The following NEBL variants were observed in gnomAD, a reference collection of about 807,000 sequenced individuals.
NEBL encodes LIM and SH3 protein 2.
Under a neutral mutation model 140.2 loss-of-function variants are expected in NEBL, and 122 were observed. That is an observed-to-expected ratio of 0.87 (90% CI 0.75 to 1.01). NEBL has a LOEUF of 1.01. NEBL is among the 50% of genes least tolerant of loss of function. The pLI is 0.00. For missense variants in NEBL, 1,365 were observed against 1,231.3 expected (o/e 1.11, Z -1.62); for synonymous variants, 436 against 398.9 (o/e 1.09, Z -1.11).
chr10:21,043,123 CCT>C (rs1834344340), intron 2 of NEBL, among the ~76,000 whole-genome samples: 2 of 152,144 alleles, frequency 1.3e-5, no homozygotes, highest in Non-Finnish European at 2.9e-5. Flanking sequence ...GGCCTTTTTC[CCT>C]CATATAGCAC....
intron 2 of NEBL, among the ~76,000 whole-genome samples, chr10:21,148,250 A>G (rs1220539220): frequency 6.6e-6 from 1 of 152,354 alleles, no homozygotes; most frequent in East Asian, 1.9e-4. Context: ...CTGTGATATT[A>G]TGAAACATGT....
chr10:21,085,819 A>G (rs1836600178), intron 2 of NEBL, among the ~76,000 whole-genome samples: 1 of 152,216 alleles, frequency 6.6e-6, no homozygotes, highest in Admixed American at 6.5e-5. Context: ...GCAACAGGAC[A>G]AAAGAGGCAA....
intron 4 of NEBL, among the ~76,000 whole-genome samples, chr10:20,947,947 C>G (rs1835260613): frequency 6.6e-6 from 1 of 152,126 alleles, no homozygotes; most frequent in East Asian, 1.9e-4. Context: ...CTTTAGGATT[C>G]CCTGGGCCAC....
intron 4 of NEBL, among the ~76,000 whole-genome samples, chr10:20,910,059 G>T (rs1480380220): frequency 2.0e-5 from 3 of 152,132 alleles, no homozygotes; most frequent in Non-Finnish European, 2.9e-5. Context: ...GATTCTCAGG[G>T]TAGGACTCTA....
At chr10:20,934,949 A>T (rs1052914469) in intron 4 of NEBL, among the ~76,000 whole-genome samples, 5 of 152,252 alleles carry the variant, frequency 3.3e-5, no homozygotes, top group African/African-American at 1.2e-4. Flanking sequence ...GTGATTGGAA[A>T]TGAATCTGGA....
At chr10:20,869,938 T>C (rs1844751228) in intron 5 of NEBL, 97 bp from the exon 6 acceptor site, 1 of 859,546 alleles carries the variant, frequency 1.2e-6, no homozygotes, top group Non-Finnish European at 1.9e-6. Context: ...CTCATAATAA[T>C]AGCTTAGAGA....
At chr10:21,255,658 A>G (rs1389348909) in intron 1 of NEBL, among the ~76,000 whole-genome samples, 1 of 152,164 alleles carries the variant, frequency 6.6e-6, no homozygotes, top group Non-Finnish European at 1.5e-5. Flanking sequence ...TTCCCCCTTA[A>G]CTATGATAAA....
At chr10:21,002,900 C>A (rs1025622492) in intron 3 of NEBL, among the ~76,000 whole-genome samples, 3 of 151,834 alleles carry the variant, frequency 2.0e-5, no homozygotes, top group African/African-American at 7.3e-5. Context: ...TTAGTGAGGT[C>A]TCTTTCACAC....
intron 2 of NEBL, among the ~76,000 whole-genome samples, chr10:21,072,655 AGTTGT>A (rs1179846946): frequency 6.6e-6 from 1 of 152,246 alleles, no homozygotes; most frequent in Non-Finnish European, 1.5e-5. Flanking sequence ...CTCAGGGCTC[AGTTGT>A]TGGTCATCTC....
intron 2 of NEBL, among the ~76,000 whole-genome samples, chr10:21,096,488 A>ACT (rs748408440): frequency 1.4e-5 from 2 of 141,482 alleles, no homozygotes; most frequent in Non-Finnish European, 3.1e-5. Flanking sequence ...CTTGGTTTTG[A>ACT]GTGTGTGTGT....
In NEBL at chr10:20,897,009, A is replaced by C; in HGVS notation, c.102T>G (p.Ile34Met). The C allele has an allele frequency of 3.1e-6, 5 of 1,613,864 alleles. No homozygotes were observed. The highest frequency in any genetic ancestry group is 4.2e-6 in the Non-Finnish European group (5 of 1,179,766). The change falls in exon 2 of 28, where the codon ATT becomes ATG. Residue 34 changes from isoleucine to methionine, a missense_variant. Ile to Met is a conservative substitution (Grantham distance 10). Coordinates refer to ENST00000377122, the MANE Select transcript of NEBL (RefSeq NM_006393.3). The part of the protein sequence containing the change: ...EEDQVFYKPV[I>M]EDLSMELARK... Reference sequence around the variant, plus strand: ...TGGCCAATTCCATGCTTAAGTCTTCAATAACAGGCTTATAGAAGACCTATT... The same window carrying C: ...TGGCCAATTCCATGCTTAAGTCTTCCATAACAGGCTTATAGAAGACCTATT...
At chr10:21,253,598 C>T (rs1842616787) in intron 1 of NEBL, among the ~76,000 whole-genome samples, 2 of 140,166 alleles carry the variant, frequency 1.4e-5, no homozygotes, top group Admixed American at 1.6e-4. Flanking sequence ...GGCTGGAGTG[C>T]AATGGCGCAA....
intron 3 of NEBL, among the ~76,000 whole-genome samples, chr10:21,203,217 G>C (rs1040625054): frequency 4.6e-5 from 7 of 152,218 alleles, no homozygotes; most frequent in African/African-American, 1.4e-4. Context: ...CGACTAAGCT[G>C]TTCCCTCATT....
chr10:20,902,954 A>C (rs1329017614), intron 4 of NEBL, among the ~76,000 whole-genome samples: 2 of 152,172 alleles, frequency 1.3e-5, no homozygotes, highest in African/African-American at 2.4e-5. Flanking sequence ...TCCCTTCAGG[A>C]CTATACTGTT....
intron 2 of NEBL, among the ~76,000 whole-genome samples, chr10:21,093,010 A>C (rs960964253): frequency 6.6e-6 from 1 of 152,216 alleles, no homozygotes; most frequent in Non-Finnish European, 1.5e-5. Context: ...GGAACAGTTT[A>C]TGACAAGAGA....
chr10:20,909,419 C>T (rs925269061), intron 4 of NEBL, among the ~76,000 whole-genome samples: 2 of 152,018 alleles, frequency 1.3e-5, no homozygotes, highest in Non-Finnish European at 2.9e-5. Flanking sequence ...CTGGGTGGCA[C>T]TCTTAATAAT....
At chr10:21,053,637 T>C (rs940512884) in intron 2 of NEBL, among the ~76,000 whole-genome samples, 5 of 152,174 alleles carry the variant, frequency 3.3e-5, no homozygotes, top group African/African-American at 1.2e-4. Flanking sequence ...CAAGAAGTTA[T>C]GAAAATCAAG....
At chr10:21,138,404 T>C (rs1259052916) in intron 2 of NEBL, among the ~76,000 whole-genome samples, 2 of 152,118 alleles carry the variant, frequency 1.3e-5, no homozygotes, top group Non-Finnish European at 2.9e-5. Context: ...GAAATCTTTA[T>C]AATAAATGGA....
chr10:21,212,373 T>C (rs1841931996), intron 3 of NEBL, among the ~76,000 whole-genome samples: 1 of 152,150 alleles, frequency 6.6e-6, no homozygotes, highest in Non-Finnish European at 1.5e-5. Context: ...AGTGCAATCC[T>C]GGCCCCAACT....
Sources: gnomAD v4.1 joint callset for allele counts (sites outside exome capture counted in the v4.1 genomes callset) on GRCh38, gnomAD v4.1.1 for gene constraint, MANE v1.5 for transcripts, NCBI Gene and HGNC (gene_info 2026-07-23, HGNC 2026-07-21) for gene names.